IQCH: variants seen among roughly 807,000 people sequenced by gnomAD.
IQCH encodes IQ domain-containing protein H.
IQCH carries 98 observed loss-of-function variants against 117.0 expected under a neutral mutation model. That is an observed-to-expected ratio of 0.84 (90% confidence interval 0.71 to 0.99). The LOEUF (loss-of-function observed/expected upper bound fraction) is 0.99, where lower values mean the gene tolerates loss of function less well. Ranked by LOEUF, IQCH falls within the 50% of genes least tolerant of loss-of-function variation. The pLI, the probability that IQCH is intolerant of heterozygous loss-of-function variation, is 0.00. For synonymous variants in IQCH, 412 were observed against 448.2 expected (o/e 0.92, Z 1.02); for missense variants, 1,102 against 1,243.8 (o/e 0.89, Z 1.72).
intron 5 of IQCH, 70 bp from the exon 6 acceptor site, chr15:67,343,993 A>C: frequency 7.1e-7 from 1 of 1,407,322 alleles, no homozygotes; most frequent in Non-Finnish European, 9.8e-7. Context: ...ACACTTGTGA[A>C]ATTTATAGAG....
At chr15:67,382,951 C>G (rs1970985765) in intron 10 of IQCH, among the ~76,000 whole-genome samples, 1 of 152,190 alleles carries the variant, frequency 6.6e-6, no homozygotes, top group Admixed American at 6.5e-5. Flanking sequence ...TAGATGAAAT[C>G]TTTTCACCTG....
chr15:67,396,128 A>G (rs1032741733), intron 13 of IQCH, among the ~76,000 whole-genome samples: 2 of 152,222 alleles, frequency 1.3e-5, no homozygotes, highest in African/African-American at 4.8e-5. Context: ...ATGCTTTAAC[A>G]TGGATTAATT....
At chr15:67,313,607 T>C (rs1042005070) in intron 4 of IQCH, among the ~76,000 whole-genome samples, 5 of 152,102 alleles carry the variant, frequency 3.3e-5, no homozygotes, top group Non-Finnish European at 4.4e-5. Context: ...AGGTAGAGAA[T>C]AGTGAGAGTA....
chr15:67,371,478 A>C (rs1970529483), intron 8 of IQCH: 3 of 1,583,056 alleles, frequency 1.9e-6, no homozygotes, highest in Non-Finnish European at 2.6e-6. Context: ...TCCTAAGAAG[A>C]AACCAGACTT....
At position 67,472,330 on chromosome 15, in the gene IQCH, A is replaced by T. The variant is rs1184276271; in HGVS notation, c.2677-3366A>T. On this transcript the variant is annotated intron_variant, in intron 17 of 20. Transcript: ENST00000335894. The surrounding 1 kb of genome is among the most constrained non-coding windows in gnomAD (Gnocchi z 4.3). The stretch of plus-strand genomic sequence containing the variant: ...GCAGGAGAAGTAGTTGGAAGGGTGC[A>T]CTGAGCAAGTTTGGGGAGGTCTACC... Among the ~76,000 whole-genome samples, 1 of 152,194 alleles carries T rather than the reference A, an allele frequency of 6.6e-6. No individual in the cohort carries two copies. Among genetic ancestry groups the T allele is most frequent in the Non-Finnish European group, 1.5e-5 (1 of 68,024 alleles).
At position 67,395,339 on chromosome 15, in the gene IQCH, A is replaced by G; in HGVS notation, c.1681A>G (p.Ile561Val). 1 of 1,614,042 alleles carries G rather than the reference A, an allele frequency of 6.2e-7. No individual in the cohort carries two copies. The highest frequency in any genetic ancestry group is 8.5e-7 in the Non-Finnish European group (1 of 1,179,952). ...TCACCTGATGTACAGTCCCAAGGCA[A>G]TCAAAAGAATAAAAAATCTCATCCG... ...ATHLMYSPKA[I>V]KRIKNLIRGT... is the part of the protein sequence containing the mutation. Residue 561 changes from isoleucine (I) to valine (V), a missense_variant, in exon 13 of 21, where the codon ATC becomes GTC. Coordinates refer to ENST00000335894, the MANE Select transcript of IQCH (RefSeq NM_001031715.3). This position sits in a 1 kb window ranked among gnomAD's most constrained non-coding sequence, Gnocchi z 4.0.
chr15:67,425,506 G>A lies in IQCH; in HGVS notation c.2505+3929G>A, dbSNP rs183643527. 9.2e-5 allele frequency among the ~76,000 whole-genome samples: 14 copies of A among 152,270 alleles called. No homozygotes were observed. The East Asian group carries it at 2.7e-3, about 29-fold the overall frequency. On this transcript the variant is annotated intron_variant, in intron 16 of 20. Coordinates refer to ENST00000335894, the MANE Select transcript of IQCH (RefSeq NM_001031715.3). This position sits in a 1 kb window ranked among gnomAD's most constrained non-coding sequence, Gnocchi z 5.5. Reference sequence around the variant, plus strand: ...ATGTGCCTGTAGTCCCAGCTGCCCGGGAGGCTAAGGCAGGAGAATCACTTG... The same window carrying A: ...ATGTGCCTGTAGTCCCAGCTGCCCGAGAGGCTAAGGCAGGAGAATCACTTG...
chr15:67,312,296 A>G (rs913393044), intron 4 of IQCH, among the ~76,000 whole-genome samples: 1 of 152,142 alleles, frequency 6.6e-6, no homozygotes. Flanking sequence ...GTATTTCAGT[A>G]TAATAGGTTC....
chr15:67,382,139 AG>A (rs1285388949), intron 10 of IQCH, among the ~76,000 whole-genome samples: 1 of 152,242 alleles, frequency 6.6e-6, no homozygotes, highest in Non-Finnish European at 1.5e-5. Context: ...TGGACAACAA[AG>A]TAAACAACCA....
At chr15:67,438,252 C>G (rs2082186863) in intron 16 of IQCH, among the ~76,000 whole-genome samples, 1 of 152,148 alleles carries the variant, frequency 6.6e-6, no homozygotes, top group South Asian at 2.1e-4. Context: ...CTTCAGCCTC[C>G]TCAAACAAAA....
intron 3 of IQCH, among the ~76,000 whole-genome samples, chr15:67,267,990 T>C (rs915926234): frequency 6.6e-6 from 1 of 152,226 alleles, no homozygotes; most frequent in African/African-American, 2.4e-5. Flanking sequence ...AAATGTTTAC[T>C]CTTTCCCTTT....
chr15:67,353,799 T>C (rs1969773169), intron 6 of IQCH, among the ~76,000 whole-genome samples: 1 of 152,126 alleles, frequency 6.6e-6, no homozygotes, highest in Admixed American at 6.5e-5. Flanking sequence ...TTTTAAAAAA[T>C]CATAGTATGG....
Position 67,427,182 on chromosome 15 carries a change from C to T in IQCH, c.2505+5605C>T, listed in dbSNP as rs2081912329. ...TCTTTATCCCTCAATATAGTTACTT[C>T]TTTGCTTAGTCAGTTTACTTATTTG... On this transcript the variant is annotated intron_variant, in intron 16 of 20. Transcript: ENST00000335894. The surrounding 1 kb of genome is among the most constrained non-coding windows in gnomAD (Gnocchi z 4.7). Among the ~76,000 whole-genome samples, 1 of 152,262 alleles carries T rather than the reference C, an allele frequency of 6.6e-6. No homozygotes were observed.
intron 16 of IQCH, among the ~76,000 whole-genome samples, chr15:67,450,770 A>G (rs527856306): frequency 1.1e-4 from 16 of 152,156 alleles, no homozygotes; most frequent in Admixed American, 7.2e-4. Context: ...CTCTTTTTCT[A>G]TTGATTGGAA....
intron 16 of IQCH, among the ~76,000 whole-genome samples, chr15:67,462,312 C>T (rs1433277105): frequency 6.6e-6 from 1 of 151,390 alleles, no homozygotes; most frequent in Non-Finnish European, 1.5e-5. Flanking sequence ...ACCTATAATC[C>T]CAGCTACTCC....
At chr15:67,492,167 T>C (rs1286573880) in intron 19 of IQCH, among the ~76,000 whole-genome samples, 1 of 152,124 alleles carries the variant, frequency 6.6e-6, no homozygotes, top group East Asian at 1.9e-4. Context: ...ATAAGAAATT[T>C]GTATTTTCCC....
In IQCH at chr15:67,447,055, T is replaced by A. The variant is rs2140980701; in HGVS notation, c.2506-18072T>A. On this transcript the variant is annotated intron_variant, in intron 16 of 20. Transcript: ENST00000335894. The surrounding 1 kb of genome is among the most constrained non-coding windows in gnomAD (Gnocchi z 5.3). ...CAAGCACAGTAGAGAAAACCTGGCC[T>A]TTTGGGTTAGGCAAACCTGGATCTT... Among the ~76,000 whole-genome samples, 1 of 152,298 alleles carries A rather than the reference T, an allele frequency of 6.6e-6. No individual in the cohort carries two copies. The highest frequency in any genetic ancestry group is 2.4e-5 in the African/African-American group (1 of 41,566).
chr15:67,270,689 A>G lies in IQCH; in HGVS notation c.269+7473A>G, dbSNP rs377393512. 7.9e-5 allele frequency among the ~76,000 whole-genome samples: 12 copies of G among 152,190 alleles called. No homozygotes were observed. In the East Asian group the frequency reaches 1.2e-3, roughly 15 times the overall value. On this transcript the variant is annotated intron_variant, in intron 3 of 20. Transcript: ENST00000335894. ...TATGTCCTGGCTCCCCTTACCTTCTACCATGAATGGAAGTAGCTTGAAGCC... is the reference window on the plus strand; with the variant it reads ...TATGTCCTGGCTCCCCTTACCTTCTGCCATGAATGGAAGTAGCTTGAAGCC...
At chr15:67,337,139 G>C (rs762417341) in intron 5 of IQCH, 44 bp downstream of exon 5, 1 of 1,608,108 alleles carries the variant, frequency 6.2e-7, no homozygotes, top group South Asian at 1.1e-5. Context: ...GAACGGAAAA[G>C]AAAGAGCATT....
Sources: allele counts gnomAD v4.1 joint callset (sites outside exome capture counted in the v4.1 genomes callset), GRCh38; gene constraint gnomAD v4.1.1; non-coding constraint Gnocchi (gnomAD v3.1); transcripts MANE v1.5; gene names NCBI Gene and HGNC (gene_info 2026-07-23, HGNC 2026-07-21).